KIF24: variants seen among roughly 807,000 people sequenced by gnomAD.
KIF24 encodes the protein kinesin-like protein KIF24.
A neutral mutation model predicts 118.9 loss-of-function variants in KIF24; 81 were observed. That is an observed-to-expected ratio of 0.68 (90% CI 0.57 to 0.82). KIF24 has a LOEUF of 0.82. KIF24 is among the 40% of genes least tolerant of loss of function. The pLI, the probability that KIF24 is intolerant of heterozygous loss-of-function variation, is 0.00. For missense variants in KIF24, 1,560 were observed against 1,661.6 expected (o/e 0.94, Z 1.06); for synonymous variants, 599 against 610.0 (o/e 0.98, Z 0.27).
In KIF24 at chr9:34,306,462, C is replaced by G. The variant is rs1836923797; in HGVS notation, c.624-21G>C. 2.7e-6 allele frequency: 4 copies of G among 1,491,270 alleles called. No homozygotes were observed. The African/African-American group carries it at 5.6e-5, about 21-fold the overall frequency. 92.4% of individuals were successfully genotyped at this position (1,491,270 alleles called of 1,614,324 possible). A position where few individuals can be genotyped will look rare whatever the true frequency, so the allele number is the denominator to read the frequency against. The stretch of plus-strand genomic sequence containing the variant: ...TCTGTCTAATATGTTTATAAACAGG[C>G]TTTTAATTTTTAATAATAGGACAAG... On this transcript the variant is annotated intron_variant, in intron 2 of 12. Coordinates refer to ENST00000402558, the MANE Select transcript of KIF24 (RefSeq NM_194313.4).
chr9:34,295,249 G>A (rs1228081708), intron 4 of KIF24, among the ~76,000 whole-genome samples: 3 of 147,840 alleles, frequency 2.0e-5, no homozygotes, highest in Admixed American at 6.8e-5. Context: ...TTGCTCTGTT[G>A]CCCAGGCTGG....
In KIF24 at chr9:34,329,118, T is replaced by C. The variant is rs1837788877; in HGVS notation, c.-38A>G. ...CGCCCTTTCTCACCTCGGTCCAAAC[T>C]CCTCGGTCTGCCCTGTCTGAGAAGA... On this transcript the variant is annotated 5_prime_UTR_variant, in exon 1 of 13. Transcript: ENST00000402558. Among the ~76,000 whole-genome samples the C allele has an allele frequency of 1.3e-5, 2 of 152,070 alleles. No individual in the cohort carries two copies. The highest frequency in any genetic ancestry group is 1.3e-4 in the Admixed American group (2 of 15,284).
At chr9:34,313,736 C>CTGTTTTTTTTTTTT (rs1047699831) in intron 1 of KIF24, among the ~76,000 whole-genome samples, 1 of 127,100 alleles carries the variant, frequency 7.9e-6, no homozygotes, top group East Asian at 2.5e-4. Context: ...CCCCCGTTAT[C>CTGTTTTTTTTTTTT]TGTTTTTTTT....
chr9:34,293,315 A>C (rs1836325212), intron 4 of KIF24, among the ~76,000 whole-genome samples: 1 of 151,304 alleles, frequency 6.6e-6, no homozygotes, highest in East Asian at 1.9e-4. Context: ...CCCCATCTCT[A>C]CTAAAAATAC....
At chr9:34,317,915 G>A (rs1186661268) in intron 1 of KIF24, among the ~76,000 whole-genome samples, 1 of 152,162 alleles carries the variant, frequency 6.6e-6, no homozygotes, top group African/African-American at 2.4e-5. Flanking sequence ...ATGGTTTCAG[G>A]CATCCACCGG....
At chr9:34,322,058 T>A (rs1003696102) in intron 1 of KIF24, among the ~76,000 whole-genome samples, 5 of 151,836 alleles carry the variant, frequency 3.3e-5, no homozygotes, top group Admixed American at 6.6e-5. Context: ...AGTGTTTAAA[T>A]TTTTTTTTAA....
upstream of KIF24, among the ~76,000 whole-genome samples, chr9:34,332,369 C>T (rs776843296): frequency 3.3e-5 from 5 of 152,284 alleles, no homozygotes; most frequent in Admixed American, 3.3e-4. Flanking sequence ...TTCCATCTTA[C>T]GTTGCACAAA....
intron 5 of KIF24, among the ~76,000 whole-genome samples, chr9:34,287,750 G>A (rs193184988): frequency 5.9e-5 from 9 of 152,148 alleles, no homozygotes; most frequent in African/African-American, 1.9e-4. Context: ...GAATCTAGCC[G>A]TTGGATGCAG....
At chr9:34,289,143 A>AT (rs1453027470) in intron 5 of KIF24, among the ~76,000 whole-genome samples, 1 of 152,166 alleles carries the variant, frequency 6.6e-6, no homozygotes, top group Non-Finnish European at 1.5e-5. Flanking sequence ...CTCAAGTGGC[A>AT]TATCTGAAGG....
At chr9:34,320,658 C>CAAAAAAAA (rs68048466) in intron 1 of KIF24, among the ~76,000 whole-genome samples, 2 of 54,424 alleles carry the variant, frequency 3.7e-5, no homozygotes, top group African/African-American at 1.7e-4. Flanking sequence ...AACTCCTTCT[C>CAAAAAAAA]AAAAAAAAAA....
chr9:34,285,909 A>G (rs1192553476), intron 6 of KIF24, among the ~76,000 whole-genome samples: 2 of 149,004 alleles, frequency 1.3e-5, no homozygotes, highest in Non-Finnish European at 3.0e-5. Context: ...AGCCTGGGCA[A>G]CAGAGCAAGA....
At chr9:34,270,799 C>T (rs1377486711) in intron 7 of KIF24, among the ~76,000 whole-genome samples, 1 of 149,614 alleles carries the variant, frequency 6.7e-6, no homozygotes, top group African/African-American at 2.5e-5. Context: ...GACGGAGTCT[C>T]GCTCTGTTGC....
intron 3 of KIF24, among the ~76,000 whole-genome samples, chr9:34,298,341 T>A: frequency 1.3e-5 from 2 of 150,884 alleles, no homozygotes; most frequent in African/African-American, 4.9e-5. Context: ...AGGTCAGGAG[T>A]TTGAGACCAG....
Position 34,256,729 on chromosome 9 carries a change from G to A in KIF24, c.2878C>T (p.Leu960Phe), listed in dbSNP as rs1311768323. The A allele has an allele frequency of 6.2e-7, 1 of 1,613,972 alleles. No individual in the cohort carries two copies. The highest frequency in any genetic ancestry group is 1.1e-5 in the South Asian group (1 of 91,078). Residue 960 changes from leucine (L) to phenylalanine (F), a missense_variant, in exon 11 of 13, where the codon CTC becomes TTC. Leu to Phe is a conservative substitution (Grantham distance 22, BLOSUM62 0). This residue lies in a region of KIF24 where 591 missense variants were observed against 655.6 expected (regional missense o/e 0.90). Coordinates refer to ENST00000402558, the MANE Select transcript of KIF24 (RefSeq NM_194313.4). ...TCACTTTGGGAGGCATCCTTTCTGA[G>A]ATCAAAGGAAGAGCCTCCACCTCTT... ...QERGGGSSFDLRKDASQSEVS... is the reference protein window; with the variant it reads ...QERGGGSSFDFRKDASQSEVS...
rs1383212333 is a variant in KIF24, at chr9:34,271,339, AAAAAG to A, written c.1337+465_1337+469del. ...CAGCAATCCAGCAAAAAAAAAAAAA[AAAAAG>A]AAAAAGAAAAGAAAAACATTCATTA... On this transcript the variant is annotated intron_variant, in intron 7 of 12. Coordinates refer to ENST00000402558, the MANE Select transcript of KIF24 (RefSeq NM_194313.4). Among the ~76,000 whole-genome samples, 2,156 of 98,534 alleles carry A rather than the reference AAAAAG, an allele frequency of 0.022. 60 individuals are homozygous for A. In the East Asian group the frequency reaches 0.31, roughly 14 times the overall value. 64.6% of individuals were successfully genotyped at this position (98,534 alleles called of 152,430 possible).
Position 34,271,921 on chromosome 9 carries a change from T to G in KIF24, c.1225A>C (p.Lys409Gln), listed in dbSNP as rs1311342098. The G allele has an allele frequency of 1.0e-5, 16 of 1,593,702 alleles. No individual in the cohort carries two copies. The African/African-American group carries it at 1.6e-4, about 16-fold the overall frequency. The change falls in exon 7 of 13, where the codon AAG (lysine) becomes CAG (glutamine). Residue 409 changes from lysine (K) to glutamine (Q), a missense_variant. Physicochemically the swap from Lys to Gln is moderately conservative, Grantham distance 53. Transcript: ENST00000402558. ...SVELLLEVIL[K>Q]GSKERSTGAT... ...CCAGTGCTGCGCTCCTTGCTGCCCT[T>G]TAAGATCACCTGAAAATAAAATCCA...
rs569051282 is a variant in KIF24, at chr9:34,318,918, C to G, written c.-25-7547G>C. 31 of 1,576,260 alleles carry G rather than the reference C, an allele frequency of 2.0e-5. 1 individual carries two copies. The African/African-American group carries it at 2.4e-4, about 12-fold the overall frequency. The stretch of plus-strand genomic sequence containing the variant: ...CATGACAAGCGCAGTGCGCTGCAGT[C>G]CATCCACGAGTGGGCCGTGCAGACC... On this transcript the variant is annotated intron_variant, in intron 1 of 12. Coordinates refer to ENST00000402558, the MANE Select transcript of KIF24 (RefSeq NM_194313.4). The surrounding 1 kb of genome is among the most constrained non-coding windows in gnomAD (Gnocchi z 4.9).
Position 34,254,432 on chromosome 9 carries a change from T to G in KIF24, c.4055A>C (p.Tyr1352Ser), listed in dbSNP as rs754116500. ...IQSLRSQLQL[Y>S]LTCHGPTAAP... ...TGCGGTGGGCCCGTGGCAGGTGAGA[T>G]AGAGCTGCAGCTGGCTCCTCAGACT... The change falls in exon 13 of 13, where the codon TAT becomes TCT. Residue 1352 changes from tyrosine to serine, a missense_variant. Tyr to Ser is a moderately radical substitution (Grantham distance 144). Transcript: ENST00000402558. The G allele has an allele frequency of 3.5e-5, 57 of 1,613,706 alleles. No individual in the cohort carries two copies. The highest frequency in any genetic ancestry group is 8.0e-5 in the African/African-American group (6 of 74,884).
intron 3 of KIF24, among the ~76,000 whole-genome samples, chr9:34,300,593 A>C (rs1019427385): frequency 3.9e-5 from 6 of 151,908 alleles, no homozygotes; most frequent in African/African-American, 1.5e-4. Context: ...TGGTCTCAAG[A>C]GCTCCCGAAG....
Sources: allele counts gnomAD v4.1 joint callset (sites outside exome capture counted in the v4.1 genomes callset), GRCh38; gene constraint gnomAD v4.1.1; regional missense constraint gnomAD v4.1.1; non-coding constraint Gnocchi (gnomAD v3.1); transcripts MANE v1.5; gene names NCBI Gene and HGNC (gene_info 2026-07-23, HGNC 2026-07-21).